The following AMZ1 variants were observed in gnomAD, a reference collection of about 807,000 sequenced individuals.
AMZ1 encodes archaemetzincin-1.
AMZ1 carries 39 observed loss-of-function variants against 29.9 expected under a neutral mutation model. That is an observed-to-expected ratio of 1.30 (90% confidence interval 1.01 to 1.70). The LOEUF (loss-of-function observed/expected upper bound fraction) is 1.70, where lower values mean the gene tolerates loss of function less well. Ranked by LOEUF, AMZ1 falls within the 40% of genes most tolerant of loss-of-function variation. The pLI is 0.00. For missense variants in AMZ1, 1,041 were observed against 680.6 expected (o/e 1.53, Z -5.89); for synonymous variants, 458 against 304.0 (o/e 1.51, Z -5.27).
upstream of AMZ1, among the ~76,000 whole-genome samples, chr7:2,686,818 G>A (rs1336666239): frequency 6.6e-6 from 1 of 151,854 alleles, no homozygotes; most frequent in Non-Finnish European, 1.5e-5. Context: ...GGGTTCAAGT[G>A]ATTCTCCTGC....
At chr7:2,749,932 A>C (rs1790947305) in intron 4 of AMZ1, among the ~76,000 whole-genome samples, 1 of 152,244 alleles carries the variant, frequency 6.6e-6, no homozygotes, top group African/African-American at 2.4e-5. Context: ...GGCCTAATAC[A>C]CAAGTAGTTG....
upstream of AMZ1, among the ~76,000 whole-genome samples, chr7:2,764,110 G>A (rs2115407782): frequency 6.6e-6 from 1 of 152,168 alleles, no homozygotes; most frequent in Admixed American, 6.5e-5. Context: ...TCACTCTGTT[G>A]CCCAGGTTAG....
chr7:2,739,252 G>T (rs116728629), intron 4 of AMZ1, among the ~76,000 whole-genome samples: 4 of 152,212 alleles, frequency 2.6e-5, no homozygotes, highest in Middle Eastern at 3.4e-3. Context: ...ATGTTGTACG[G>T]CCACCACTTC....
chr7:2,687,041 C>G (rs555236978), upstream of AMZ1, among the ~76,000 whole-genome samples: 1,232 of 146,764 alleles, frequency 8.4e-3, 5 homozygotes, highest in Non-Finnish European at 0.013. Context: ...TAAAAAAATT[C>G]TTTGAGGCTG....
chr7:2,713,642 C>T lies in AMZ1; in HGVS notation c.*764C>T, dbSNP rs539879990. 2.0e-5 allele frequency: 3 copies of T among 150,218 alleles called. No homozygotes were observed. Among genetic ancestry groups the T allele is most frequent in the African/African-American group, 4.8e-5 (2 of 41,294 alleles). The allele number at this position is 150,218 out of a possible 1,614,324, so 9.3% of individuals were successfully genotyped here. A position where few individuals can be genotyped will look rare whatever the true frequency, so the allele number is the denominator to read the frequency against. On this transcript the variant is annotated 3_prime_UTR_variant, in exon 7 of 7. Transcript: ENST00000683327. ...TATCATCTCAGGCGTCAACCACATG[C>T]ACACACACACTGTCACGTTCTGTGG...
intron 4 of AMZ1, among the ~76,000 whole-genome samples, chr7:2,755,943 A>AT (rs1276542122): frequency 5.9e-5 from 9 of 152,026 alleles, no homozygotes; most frequent in Admixed American, 2.0e-4. Flanking sequence ...CCCAGCAGGC[A>AT]TTTTTTTTGG....
intron 1 of AMZ1, among the ~76,000 whole-genome samples, chr7:2,695,508 G>A (rs1787656150): frequency 6.6e-6 from 1 of 151,970 alleles, no homozygotes; most frequent in African/African-American, 2.4e-5. Flanking sequence ...CTTGAGCCTC[G>A]GAGTTCAAGA....
chr7:2,716,560 T>C lies in AMZ1; in HGVS notation c.*3682T>C, dbSNP rs1789134248. Reference sequence around the variant, plus strand: ...AGTGATAAAGCTGGGAGTCCAAATTTAGATCCCACCAAGTTCAAAGGGGGA... The same window carrying C: ...AGTGATAAAGCTGGGAGTCCAAATTCAGATCCCACCAAGTTCAAAGGGGGA... On this transcript the variant is annotated 3_prime_UTR_variant, in exon 7 of 7. Transcript: ENST00000683327. The C allele has an allele frequency of 6.6e-6, 1 of 152,258 alleles. No individual in the cohort carries two copies. Among genetic ancestry groups the C allele is most frequent in the African/African-American group, 2.4e-5 (1 of 41,456 alleles). The allele number at this position is 152,258 out of a possible 1,614,324, so 9.4% of individuals were successfully genotyped here. A position where few individuals can be genotyped will look rare whatever the true frequency, so the allele number is the denominator to read the frequency against.
At chr7:2,734,652 G>A (rs759871817) in intron 4 of AMZ1, among the ~76,000 whole-genome samples, 6 of 152,228 alleles carry the variant, frequency 3.9e-5, no homozygotes, top group Non-Finnish European at 8.8e-5. Flanking sequence ...AAGCAGAGAG[G>A]AAGCTCCTTC....
upstream of AMZ1, among the ~76,000 whole-genome samples, chr7:2,685,895 C>T (rs900466659): frequency 6.6e-6 from 1 of 150,964 alleles, no homozygotes; most frequent in Non-Finnish European, 1.5e-5. Context: ...CATCTTTTCT[C>T]AGGTTCTGGG....
In AMZ1 at chr7:2,713,324, C is replaced by G. The variant is rs1329455611; in HGVS notation, c.*446C>G. 2.0e-5 allele frequency: 3 copies of G among 153,290 alleles called. No homozygotes were observed. Among genetic ancestry groups the G allele is most frequent in the Non-Finnish European group, 4.4e-5 (3 of 68,800 alleles). The allele number at this position is 153,290 out of a possible 1,614,324, so 9.5% of individuals were successfully genotyped here. On this transcript the variant is annotated 3_prime_UTR_variant, in exon 7 of 7. Transcript: ENST00000683327. Reference sequence around the variant, plus strand: ...AACTCCTGAGTCCCAGCCAGCCGCTCCCAGGGGCCTGCACACATGGAGAGG... The same window carrying G: ...AACTCCTGAGTCCCAGCCAGCCGCTGCCAGGGGCCTGCACACATGGAGAGG...
chr7:2,723,521 C>T (rs1789503464), downstream of AMZ1, among the ~76,000 whole-genome samples: 1 of 152,202 alleles, frequency 6.6e-6, no homozygotes, highest in South Asian at 2.1e-4. Flanking sequence ...CCTGCATCAC[C>T]CCGAGGCTGC....
At chr7:2,707,723 C>A (rs80251315) in intron 3 of AMZ1, among the ~76,000 whole-genome samples, 1 of 151,918 alleles carries the variant, frequency 6.6e-6, no homozygotes, top group South Asian at 2.1e-4. Flanking sequence ...TAGAGGCACC[C>A]GTATCCTTGG....
At position 2,709,103 on chromosome 7, in the gene AMZ1, C is replaced by G. The variant is rs756525635; in HGVS notation, c.630C>G (p.Phe210Leu). 2.5e-6 allele frequency: 4 copies of G among 1,600,512 alleles called. No individual in the cohort carries two copies. Among genetic ancestry groups the G allele is most frequent in the Non-Finnish European group, 3.4e-6 (4 of 1,173,720 alleles). ...HEVGVCSFAR[F>L]SGEFPKSGPS... ...TGGGCGTCTGCAGCTTCGCCCGGTT[C>G]TCAGGGGAATTCCCGAAGTCGGGGC... is the stretch of plus-strand genomic sequence containing the variant. Residue 210 changes from phenylalanine to leucine, a missense_variant, in exon 5 of 7, where the codon TTC (phenylalanine) becomes TTG (leucine). Transcript: ENST00000683327.
chr7:2,695,146 A>G (rs1562359841), intron 1 of AMZ1, among the ~76,000 whole-genome samples: 1 of 152,144 alleles, frequency 6.6e-6, no homozygotes, highest in Non-Finnish European at 1.5e-5. Flanking sequence ...AGACTTGCCC[A>G]CTACGGCCCT....
intron 4 of AMZ1, among the ~76,000 whole-genome samples, chr7:2,750,565 GTA>G (rs1790985141): frequency 6.6e-6 from 1 of 152,176 alleles, no homozygotes; most frequent in Non-Finnish European, 1.5e-5. Flanking sequence ...CAGAACAATT[GTA>G]ACAACACACT....
At chr7:2,757,333 G>T (rs949889339) in intron 4 of AMZ1, among the ~76,000 whole-genome samples, 3 of 151,704 alleles carry the variant, frequency 2.0e-5, no homozygotes, top group African/African-American at 7.3e-5. Flanking sequence ...ACAGGGTTTC[G>T]CCATGTCAGG....
intron 4 of AMZ1, among the ~76,000 whole-genome samples, chr7:2,756,162 G>C (rs1406219763): frequency 2.0e-5 from 3 of 152,044 alleles, no homozygotes; most frequent in Non-Finnish European, 4.4e-5. Flanking sequence ...ATGGCCAATT[G>C]ATTTATAAAA....
At chr7:2,689,382 G>T (rs1787253264) in intron 1 of AMZ1, among the ~76,000 whole-genome samples, 2 of 152,108 alleles carry the variant, frequency 1.3e-5, no homozygotes, top group South Asian at 4.2e-4. Flanking sequence ...GGGGGGGGAT[G>T]CGGACGTGCT....
Sources: allele counts gnomAD v4.1 joint callset (sites outside exome capture counted in the v4.1 genomes callset), GRCh38; gene constraint gnomAD v4.1.1; transcripts MANE v1.5; gene names NCBI Gene and HGNC (gene_info 2026-07-23, HGNC 2026-07-21).